CLK4: variants seen among roughly 807,000 people sequenced by gnomAD.
CLK4 encodes the protein dual specificity protein kinase CLK4.
A neutral mutation model predicts 64.4 loss-of-function variants in CLK4; 37 were observed. The ratio of observed to expected loss-of-function variants is 0.57; its 90% CI spans 0.44 to 0.76. CLK4 has a LOEUF of 0.76. Ranked by LOEUF, CLK4 falls within the 30% of genes least tolerant of loss-of-function variation. CLK4 has a pLI of 0.00. For missense variants in CLK4, 457 were observed against 605.1 expected (o/e 0.76, Z 2.57); for synonymous variants, 175 against 191.6 (o/e 0.91, Z 0.72).
chr5:178,603,409 A>T lies in CLK4; in HGVS notation c.*208T>A, dbSNP rs1764414917. 1 of 346,222 alleles carries T rather than the reference A, an allele frequency of 2.9e-6. No homozygotes were observed. Among genetic ancestry groups the T allele is most frequent in the Non-Finnish European group, 5.1e-6 (1 of 195,768 alleles). The allele number at this position is 346,222 out of a possible 1,614,324, so 21.4% of individuals were successfully genotyped here. ...ATTTAAAAATGGTAATTTCAAAAAG[A>T]AAAATTAATTTTAATTTTTCTAATG... On this transcript the variant is annotated 3_prime_UTR_variant, in exon 13 of 13. Coordinates refer to ENST00000316308, the MANE Select transcript of CLK4 (RefSeq NM_020666.3).
chr5:178,625,270 T>G (rs532557633), intron 1 of CLK4, among the ~76,000 whole-genome samples: 1 of 152,018 alleles, frequency 6.6e-6, no homozygotes, highest in East Asian at 1.9e-4. Context: ...AACCCTGCCT[T>G]TACAAAAAAT....
intron 2 of CLK4, chr5:178,621,984 C>T (rs1161386223): frequency 4.6e-5 from 7 of 152,090 alleles, no homozygotes. Flanking sequence ...TCATGGTAAA[C>T]GCTGACCACC....
chr5:178,617,494 T>G lies in CLK4; in HGVS notation c.385-60A>C, dbSNP rs1764642528. 1.4e-6 allele frequency: 2 copies of G among 1,453,892 alleles called. No individual in the cohort carries two copies. Among genetic ancestry groups the G allele is most frequent in the Non-Finnish European group, 9.6e-7 (1 of 1,040,896 alleles). 90.1% of individuals were successfully genotyped at this position (1,453,892 alleles called of 1,614,324 possible). ...AGCCAATCAATATATCAGAGTGAAT[T>G]CAGGGCAGAATACGCAATTCATTCA... On this transcript the variant is annotated intron_variant, in intron 3 of 12. Coordinates refer to ENST00000316308, the MANE Select transcript of CLK4 (RefSeq NM_020666.3). The surrounding 1 kb of genome is among the most constrained non-coding windows in gnomAD (Gnocchi z 5.2).
intron 2 of CLK4, chr5:178,619,799 A>G: frequency 7.8e-7 from 1 of 1,289,454 alleles, no homozygotes; most frequent in Non-Finnish European, 1.0e-6. Flanking sequence ...AGAAAAGGAC[A>G]TAGATTCAAT....
intron 10 of CLK4, 37 bp downstream of exon 10, chr5:178,608,339 G>A: frequency 7.0e-7 from 1 of 1,420,300 alleles, no homozygotes; most frequent in African/African-American, 1.4e-5. Flanking sequence ...TTTACAATTT[G>A]TTATGAATTA....
At chr5:178,621,669 T>C (rs994229961) in intron 2 of CLK4, 3 of 152,162 alleles carry the variant, frequency 2.0e-5, no homozygotes, top group Admixed American at 1.3e-4. Context: ...GGTGAGAGCA[T>C]GAAGGAGCAC....
intron 10 of CLK4, among the ~76,000 whole-genome samples, chr5:178,607,635 C>T (rs10479499): frequency 0.058 from 8,774 of 151,438 alleles, 745 homozygotes; most frequent in African/African-American, 0.19. Context: ...CTCAGCCTCC[C>T]GAGTAGCTGG....
rs928196800 is a variant in CLK4 at position 178,625,531 on chromosome 5, G to C, written c.-1+1415C>G. ...TTTAACCACATCAGGAACTCAGCTT[G>C]GTTAAGCATTTTTAAATCATAGCAA... On this transcript the variant is annotated intron_variant, in intron 1 of 12. Coordinates refer to ENST00000316308, the MANE Select transcript of CLK4 (RefSeq NM_020666.3). 1.1e-4 allele frequency among the ~76,000 whole-genome samples: 17 copies of C among 152,050 alleles called. No homozygotes were observed. The South Asian group carries it at 1.4e-3, about 13-fold the overall frequency.
At chr5:178,618,111 A>G (rs1428331278) in intron 3 of CLK4, 2 of 152,254 alleles carry the variant, frequency 1.3e-5, no homozygotes, top group African/African-American at 4.8e-5. Context: ...ACAATGATGC[A>G]CTGGACTATG....
chr5:178,620,353 C>A (rs547273407), intron 2 of CLK4: 1 of 236,330 alleles, frequency 4.2e-6, no homozygotes, highest in African/African-American at 2.2e-5. Context: ...CACTAACAAT[C>A]TTTAGCTGGA....
Position 178,613,564 on chromosome 5 carries a change from AC to A in CLK4, c.734del (p.Ser245IlefsTer30), listed in dbSNP as rs770167356. 2 of 1,613,182 alleles carry A rather than the reference AC, an allele frequency of 1.2e-6. No homozygotes were observed. The highest frequency in any genetic ancestry group is 8.5e-7 in the Non-Finnish European group (1 of 1,179,676). On this transcript the variant is annotated frameshift_variant, in exon 7 of 13. Transcript: ENST00000316308. LOFTEE classifies it high-confidence loss of function. ...VCIVFELLGL[S>X]TYDFIKENSF... ...TGTTTTCTTTAATGAAATCGTAAGTACTAAGTCCCAGTAGTTCAAACACAAT... is the reference window on the plus strand; with the variant it reads ...TGTTTTCTTTAATGAAATCGTAAGTATAAGTCCCAGTAGTTCAAACACAAT...
chr5:178,608,168 A>G (rs1342944244), intron 10 of CLK4, among the ~76,000 whole-genome samples: 1 of 152,232 alleles, frequency 6.6e-6, no homozygotes, highest in Admixed American at 6.5e-5. Context: ...TGTTACAAAC[A>G]CTAATCACAT....
Position 178,613,793 on chromosome 5 carries a change from C to T in CLK4, c.593G>A (p.Arg198His), listed in dbSNP as rs755397716. The T allele has an allele frequency of 6.2e-6, 10 of 1,614,098 alleles. No homozygotes were observed. Among genetic ancestry groups the T allele is most frequent in the Non-Finnish European group, 7.6e-6 (9 of 1,179,972 alleles). The stretch of plus-strand genomic sequence containing the variant: ...TTGGATTTCTGAACGAGCTGCTTCA[C>T]GGTAACGGCCTACATTTTTTACGAT... Reference protein sequence around the residue: ...VKIVKNVGRYREAARSEIQVL... With the variant: ...VKIVKNVGRYHEAARSEIQVL... The change falls in exon 6 of 13, where the codon CGT becomes CAT. Residue 198 changes from arginine (R) to histidine (H), a missense_variant. Coordinates refer to ENST00000316308, the MANE Select transcript of CLK4 (RefSeq NM_020666.3).
chr5:178,610,623 T>C (rs767217698), intron 9 of CLK4, among the ~76,000 whole-genome samples: 7 of 151,944 alleles, frequency 4.6e-5, no homozygotes, highest in Non-Finnish European at 8.8e-5. Context: ...ATTAATAAGA[T>C]TGACCATATT....
In CLK4 at chr5:178,613,804, T is replaced by C. The variant is rs372000112; in HGVS notation, c.582A>G (p.Val194=). 21 of 1,614,016 alleles carry C rather than the reference T, an allele frequency of 1.3e-5. No homozygotes were observed. The highest frequency in any genetic ancestry group is 1.6e-4 in the Middle Eastern group (1 of 6,084). Reference sequence around the variant, plus strand: ...AACGAGCTGCTTCACGGTAACGGCCTACATTTTTTACGATTTTCACTGCTA... The same window carrying C: ...AACGAGCTGCTTCACGGTAACGGCCCACATTTTTTACGATTTTCACTGCTA... The part of the protein sequence containing the change: ...MHVAVKIVKN[V]GRYREAARSE... The change falls in exon 6 of 13, where the codon GTA becomes GTG. Residue 194 remains valine (V), a synonymous_variant. Transcript: ENST00000316308.
At chr5:178,616,861 A>C (rs1307116628) in intron 5 of CLK4, 21 bp downstream of exon 5, 11 of 1,575,272 alleles carry the variant, frequency 7.0e-6, no homozygotes, top group Non-Finnish European at 9.6e-6. Context: ...AGAATGTTTG[A>C]AAAGGAAAAA....
chr5:178,625,648 T>TC (rs1331945255), intron 1 of CLK4, among the ~76,000 whole-genome samples: 2 of 152,142 alleles, frequency 1.3e-5, no homozygotes, highest in Non-Finnish European at 2.9e-5. Flanking sequence ...TTCAGTTTTG[T>TC]TTTTTCCTCT....
chr5:178,608,517 T>A, intron 9 of CLK4, 59 bp from the exon 10 acceptor site: 1 of 1,297,868 alleles, frequency 7.7e-7, no homozygotes, highest in Non-Finnish European at 1.1e-6. Context: ...GACAGTACAT[T>A]AAATCCTTCC....
chr5:178,604,111 C>A, intron 11 of CLK4, 177 bp from the exon 12 acceptor site: 1 of 446,238 alleles, frequency 2.2e-6, no homozygotes. Flanking sequence ...ACCTCATATC[C>A]TCCACCCTGT....
Sources: gnomAD v4.1 joint callset for allele counts (sites outside exome capture counted in the v4.1 genomes callset) on GRCh38, gnomAD v4.1.1 for gene constraint, Gnocchi (gnomAD v3.1) non-coding constraint, MANE v1.5 for transcripts, NCBI Gene and HGNC (gene_info 2026-07-23, HGNC 2026-07-21) for gene names.